FIG4: variants seen among roughly 807,000 people sequenced by gnomAD.
FIG4 encodes the protein polyphosphoinositide phosphatase.
Under a neutral mutation model 118.6 loss-of-function variants are expected in FIG4, and 112 were observed. The ratio of observed to expected loss-of-function variants is 0.94; its 90% CI spans 0.81 to 1.11. The LOEUF (loss-of-function observed/expected upper bound fraction) is 1.11, where lower values mean the gene tolerates loss of function less well. FIG4 is among the 50% of genes least tolerant of loss of function. The probability of loss-of-function intolerance (pLI) is 0.00; values close to 1 mark genes in which losing one functional copy is unlikely to be tolerated. For synonymous variants in FIG4, 369 were observed against 381.2 expected (o/e 0.97, Z 0.37); for missense variants, 969 against 1,111.7 (o/e 0.87, Z 1.83).
intron 22 of FIG4, among the ~76,000 whole-genome samples, chr6:109,813,513 T>C (rs1778776923): frequency 6.6e-6 from 1 of 152,210 alleles, no homozygotes; most frequent in African/African-American, 2.4e-5. Context: ...TTCCTTGATT[T>C]TTATGACCTT....
At chr6:109,766,032 A>G (rs1000178044) in intron 14 of FIG4, among the ~76,000 whole-genome samples, 2 of 152,212 alleles carry the variant, frequency 1.3e-5, no homozygotes, top group Non-Finnish European at 2.9e-5. Flanking sequence ...CCCTAAGTTC[A>G]TACGTTGAAA....
chr6:109,743,833 A>T, intron 10 of FIG4, 61 bp downstream of exon 10: 2 of 1,167,552 alleles, frequency 1.7e-6, no homozygotes, highest in Non-Finnish European at 2.6e-6. Flanking sequence ...CTCTTCCTCA[A>T]CACAGAGGGG....
chr6:109,739,858 G>A (rs1217601702), intron 7 of FIG4, among the ~76,000 whole-genome samples: 2 of 152,154 alleles, frequency 1.3e-5, no homozygotes, highest in African/African-American at 4.8e-5. Context: ...GAGAGGAGTG[G>A]TGCCAAGGGC....
At chr6:109,709,054 G>T (rs1391335970) in intron 1 of FIG4, among the ~76,000 whole-genome samples, 2 of 151,932 alleles carry the variant, frequency 1.3e-5, no homozygotes, top group Non-Finnish European at 2.9e-5. Context: ...TGTCCTGAAT[G>T]GTATTGCCTA....
chr6:109,791,239 C>T, intron 19 of FIG4, 137 bp from the exon 20 acceptor site: 1 of 752,218 alleles, frequency 1.3e-6, no homozygotes, highest in Non-Finnish European at 2.3e-6. Flanking sequence ...CCCTGTAGCA[C>T]AACCTGAATC....
chr6:109,815,649 T>A (rs1778842825), intron 22 of FIG4, among the ~76,000 whole-genome samples: 1 of 151,946 alleles, frequency 6.6e-6, no homozygotes, highest in East Asian at 1.9e-4. Context: ...GAGCACGGCT[T>A]TATGATCACA....
At chr6:109,718,658 T>C (rs1775510020) in intron 3 of FIG4, among the ~76,000 whole-genome samples, 1 of 152,128 alleles carries the variant, frequency 6.6e-6, no homozygotes, top group African/African-American at 2.4e-5. Context: ...TTTCTATGCC[T>C]TTTGCTTAGT....
chr6:109,786,017 A>C (rs1777942065), intron 17 of FIG4: 2 of 417,106 alleles, frequency 4.8e-6, no homozygotes, highest in East Asian at 9.4e-5. Flanking sequence ...AGCAAAAAGG[A>C]ATTTAAAGAA....
chr6:109,725,138 G>C (rs763790371), intron 3 of FIG4, among the ~76,000 whole-genome samples: 7 of 152,036 alleles, frequency 4.6e-5, no homozygotes, highest in Non-Finnish European at 1.0e-4. Flanking sequence ...AGAATGTGCA[G>C]GTTTGTTACA....
intron 15 of FIG4, 97 bp downstream of exon 15, chr6:109,766,992 T>C (rs1777299597): frequency 7.7e-6 from 8 of 1,039,174 alleles, no homozygotes; most frequent in Middle Eastern, 2.1e-4. Flanking sequence ...TAAAATTTAA[T>C]ATTTTAAAAG....
At chr6:109,701,827 G>A (rs544417256) in intron 1 of FIG4, 65 of 456,968 alleles carry the variant, frequency 1.4e-4, no homozygotes, top group African/African-American at 1.0e-3. Flanking sequence ...GGAAACCAAA[G>A]TATATAAAGT....
chr6:109,783,212 G>T (rs952882376), intron 16 of FIG4, among the ~76,000 whole-genome samples: 4 of 152,130 alleles, frequency 2.6e-5, no homozygotes, highest in African/African-American at 9.7e-5. Flanking sequence ...AACCACTATG[G>T]CACACATTTA....
chr6:109,780,055 C>T (rs926667349), intron 16 of FIG4, among the ~76,000 whole-genome samples: 4 of 152,194 alleles, frequency 2.6e-5, no homozygotes, highest in Admixed American at 2.0e-4. Flanking sequence ...CCAGTTAATA[C>T]CTGGGTGACC....
intron 10 of FIG4, 143 bp from the exon 11 acceptor site, chr6:109,760,107 C>A: frequency 3.0e-6 from 2 of 676,830 alleles, no homozygotes; most frequent in South Asian, 1.7e-5. Context: ...TTTATTATTT[C>A]TGATTATTGT....
At chr6:109,701,981 CTT>C (rs1196508619) in intron 1 of FIG4, among the ~76,000 whole-genome samples, 2 of 152,206 alleles carry the variant, frequency 1.3e-5, no homozygotes, top group African/African-American at 2.4e-5. Context: ...GCAGACCTCT[CTT>C]GAGACTCACT....
chr6:109,781,493 T>C (rs572161707), intron 16 of FIG4, among the ~76,000 whole-genome samples: 75 of 152,192 alleles, frequency 4.9e-4, no homozygotes, highest in African/African-American at 1.6e-3. Flanking sequence ...TGATTTGTGC[T>C]AGCTGTTCTG....
At chr6:109,760,710 C>A (rs1200347766) in intron 11 of FIG4, among the ~76,000 whole-genome samples, 2 of 152,142 alleles carry the variant, frequency 1.3e-5, no homozygotes, top group Non-Finnish European at 2.9e-5. Flanking sequence ...CGTGGATGAA[C>A]CTGTGATAAT....
chr6:109,700,585 A>T (rs998527959), intron 1 of FIG4, among the ~76,000 whole-genome samples: 5 of 152,210 alleles, frequency 3.3e-5, no homozygotes, highest in African/African-American at 1.2e-4. Context: ...GGTGTATTAG[A>T]GGTTGAGTAT....
At chr6:109,783,014 C>G (rs1457737358) in intron 16 of FIG4, among the ~76,000 whole-genome samples, 1 of 152,188 alleles carries the variant, frequency 6.6e-6, no homozygotes, top group East Asian at 1.9e-4. Flanking sequence ...AATGCAGGAA[C>G]AGAAAACTAA....
Sources: gnomAD v4.1 joint callset for allele counts (sites outside exome capture counted in the v4.1 genomes callset) on GRCh38, gnomAD v4.1.1 for gene constraint, MANE v1.5 for transcripts, NCBI Gene and HGNC (gene_info 2026-07-23, HGNC 2026-07-21) for gene names.